OR2L13: variants seen among roughly 807,000 people sequenced by gnomAD.
OR2L13 encodes olfactory receptor 2L13.
OR2L13 carries 14 observed loss-of-function variants against 15.3 expected under a neutral mutation model. That is an observed-to-expected ratio of 0.91 (90% CI 0.60 to 1.43). The LOEUF is 1.43. Among genes scored for constraint, OR2L13 ranks in the 40% most tolerant of loss-of-function variants. The pLI is 0.00. For synonymous variants in OR2L13, 152 were observed against 142.9 expected, an observed-to-expected ratio of 1.06 and a Z score of -0.45; for missense variants, 367 against 387.9, an observed-to-expected ratio of 0.95 and a Z score of 0.45.
chr1:247,951,823 AG>A, the OR2L13 span, among the ~76,000 whole-genome samples: 1 of 152,324 alleles, frequency 6.6e-6, no homozygotes, highest in African/African-American at 2.4e-5. Context: ...TGCCAGGGCA[AG>A]CACCTCCTCT....
chr1:247,981,538 C>A, the OR2L13 span, among the ~76,000 whole-genome samples: 1 of 152,122 alleles, frequency 6.6e-6, no homozygotes, highest in South Asian at 2.1e-4. Context: ...TTCTTCAAGA[C>A]ACAATGTAAA....
the OR2L13 span, chr1:248,023,923 C>T: frequency 6.6e-6 from 1 of 152,114 alleles, no homozygotes; most frequent in Non-Finnish European, 1.5e-5. Context: ...TTCTGTTGCT[C>T]TCAAATAGAA....
the OR2L13 span, chr1:248,039,333 T>C: frequency 2.8e-6 from 2 of 716,292 alleles, no homozygotes; most frequent in African/African-American, 4.3e-5. Flanking sequence ...AATTTGTCTT[T>C]TAATTTAGTC....
At chr1:248,091,009 T>G (rs1170831625), upstream of OR2L13, among the ~76,000 whole-genome samples, 1 of 152,194 alleles carries the variant, frequency 6.6e-6, no homozygotes, top group Non-Finnish European at 1.5e-5. Context: ...CTCATTGTGG[T>G]TTTGATATGC....
the OR2L13 span, among the ~76,000 whole-genome samples, chr1:247,993,478 C>T: frequency 2.0e-5 from 3 of 151,662 alleles, no homozygotes; most frequent in African/African-American, 7.3e-5. Context: ...AATGTTTGCT[C>T]TCTGAGGCAT....
At chr1:247,990,686 G>A in the OR2L13 span, 79 of 1,529,818 alleles carry the variant, frequency 5.2e-5, 1 homozygote, top group East Asian at 1.4e-3. Flanking sequence ...AAAAGAGTGT[G>A]TGCACTGATG....
chr1:248,058,709 G>T, the OR2L13 span, among the ~76,000 whole-genome samples: 1 of 151,896 alleles, frequency 6.6e-6, no homozygotes, highest in Admixed American at 6.6e-5. Flanking sequence ...ATTTGAATAT[G>T]ATGGTTAATA....
At chr1:248,100,171 T>C (rs780094570) in exon 3 of OR2L13, 1 of 1,614,124 alleles carries the variant, frequency 6.2e-7, no homozygotes, top group Non-Finnish European at 8.5e-7. Flanking sequence ...GAATCTCCGC[T>C]CACCAGCTGA....
chr1:248,062,911 T>C, the OR2L13 span: 2 of 152,192 alleles, frequency 1.3e-5, no homozygotes, highest in Admixed American at 6.5e-5. Flanking sequence ...TCACTGTAGA[T>C]ATATGGATTT....
chr1:248,041,804 A>T, the OR2L13 span: 2 of 152,228 alleles, frequency 1.3e-5, no homozygotes, highest in African/African-American at 4.8e-5. Context: ...TCAAAACCAC[A>T]ATGAGATACC....
the OR2L13 span, among the ~76,000 whole-genome samples, chr1:247,976,123 T>A: frequency 6.6e-6 from 1 of 152,192 alleles, no homozygotes. Context: ...TACCTCAGGA[T>A]AAATAATTAT....
chr1:248,047,149 T>C, the OR2L13 span, among the ~76,000 whole-genome samples: 7 of 152,304 alleles, frequency 4.6e-5, 1 homozygote, highest in African/African-American at 1.7e-4. Context: ...TATATTAGAC[T>C]ATGCTTTTAT....
At chr1:248,084,754 T>G in the OR2L13 span, 1 of 1,167,736 alleles carries the variant, frequency 8.6e-7, no homozygotes, top group Non-Finnish European at 1.2e-6. Context: ...GATGGTCTCA[T>G]TCAGGGACCT....
chr1:247,995,667 A>G, the OR2L13 span, among the ~76,000 whole-genome samples: 1 of 152,196 alleles, frequency 6.6e-6, no homozygotes, highest in Non-Finnish European at 1.5e-5. Flanking sequence ...AAACCTATCC[A>G]CATCTCAGTC....
At chr1:248,090,322 G>A (rs1008499406), upstream of OR2L13, among the ~76,000 whole-genome samples, 4 of 149,916 alleles carry the variant, frequency 2.7e-5, no homozygotes, top group Non-Finnish European at 5.9e-5. Flanking sequence ...AGTTTTTGGG[G>A]TATATGTGCA....
the OR2L13 span, among the ~76,000 whole-genome samples, chr1:247,971,614 G>T: frequency 1.3e-5 from 2 of 151,986 alleles, no homozygotes; most frequent in African/African-American, 4.8e-5. Context: ...TAAGAAAGGG[G>T]TCCAGTTTCA....
At chr1:248,072,397 A>C in the OR2L13 span, among the ~76,000 whole-genome samples, 1 of 152,220 alleles carries the variant, frequency 6.6e-6, no homozygotes, top group East Asian at 1.9e-4. Flanking sequence ...CTATTTAATA[A>C]ATGGTGCTGG....
the OR2L13 span, among the ~76,000 whole-genome samples, chr1:247,960,431 G>A: frequency 2.9e-3 from 449 of 152,298 alleles, 3 homozygotes; most frequent in African/African-American, 1.0e-2. Context: ...CAGATCTTCA[G>A]CTGCATGCTG....
upstream of OR2L13, among the ~76,000 whole-genome samples, chr1:248,091,466 G>A (rs1214380072): frequency 6.6e-6 from 1 of 152,066 alleles, no homozygotes; most frequent in African/African-American, 2.4e-5. Context: ...TGTATGTGAT[G>A]TAAAAAGGGT....
Sources: allele counts gnomAD v4.1 joint callset (sites outside exome capture counted in the v4.1 genomes callset), GRCh38; gene constraint gnomAD v4.1.1; transcripts MANE v1.5; gene names NCBI Gene and HGNC (gene_info 2026-07-23, HGNC 2026-07-21).